NUP210L: variants seen among roughly 807,000 people sequenced by gnomAD.
The protein encoded by NUP210L is nuclear pore membrane glycoprotein 210-like.
A neutral mutation model predicts 208.5 loss-of-function variants in NUP210L; 74 were observed. That is an observed-to-expected ratio of 0.35 (90% CI 0.29 to 0.43). NUP210L has a LOEUF of 0.43. NUP210L is among the 20% of genes least tolerant of loss of function. NUP210L has a pLI of 1.00. For missense variants in NUP210L, 1,843 were observed against 2,289.4 expected (o/e 0.81, Z 3.98); for synonymous variants, 780 against 816.9 (o/e 0.95, Z 0.77).
chr1:154,083,432 T>C (rs148846283), intron 16 of NUP210L, among the ~76,000 whole-genome samples: 1 of 152,258 alleles, frequency 6.6e-6, no homozygotes, highest in South Asian at 2.1e-4. Context: ...AGCAAATTAA[T>C]TGAACCCAAA....
chr1:154,071,459 G>A (rs1472877985), intron 16 of NUP210L, among the ~76,000 whole-genome samples: 4 of 145,114 alleles, frequency 2.8e-5, no homozygotes, highest in Admixed American at 7.0e-5. Flanking sequence ...CCTTTCCCCC[G>A]AGTCCCCAAA....
intron 35 of NUP210L, among the ~76,000 whole-genome samples, chr1:154,003,020 T>C (rs956072411): frequency 5.9e-5 from 9 of 151,416 alleles, no homozygotes; most frequent in African/African-American, 2.2e-4. Context: ...TTTTTTTTTT[T>C]TTTTTAAAGA....
At chr1:154,125,668 A>AGGAG (rs1557994746) in intron 10 of NUP210L, among the ~76,000 whole-genome samples, 3 of 2,548 alleles carry the variant, frequency 1.2e-3, no homozygotes, top group African/African-American at 2.5e-3. Flanking sequence ...GAAGGAAGGA[A>AGGAG]GGAAGGAAGG....
exon 30 of NUP210L, chr1:154,025,664 A>T: frequency 6.2e-7 from 1 of 1,613,980 alleles, no homozygotes; most frequent in African/African-American, 1.3e-5. Context: ...TCAATGACGG[A>T]TGAATTAGGG....
At chr1:154,027,080 C>CAAAAAAAAAAAAAAACAA (rs1651924924) in intron 29 of NUP210L, among the ~76,000 whole-genome samples, 1 of 101,754 alleles carries the variant, frequency 9.8e-6, no homozygotes, top group Non-Finnish European at 1.9e-5. Flanking sequence ...GAGACTGTCT[C>CAAAAAAAAAAAAAAACAA]AAAAAAAAAA....
intron 16 of NUP210L, among the ~76,000 whole-genome samples, chr1:154,081,493 T>C (rs546001368): frequency 3.3e-5 from 5 of 152,266 alleles, no homozygotes; most frequent in Non-Finnish European, 7.4e-5. Context: ...TTTATGCTAA[T>C]GAGATGACTC....
intron 17 of NUP210L, among the ~76,000 whole-genome samples, chr1:154,067,429 T>C (rs1279976073): frequency 2.0e-5 from 3 of 152,198 alleles, no homozygotes; most frequent in Non-Finnish European, 1.5e-5. Flanking sequence ...AACTAGGTAT[T>C]GATGGGACGT....
At chr1:154,027,537 T>G in exon 29 of NUP210L, 1 of 1,613,622 alleles carries the variant, frequency 6.2e-7, no homozygotes. Flanking sequence ...TGAGAATTTA[T>G]AGGCATCAGA....
At chr1:154,123,214 C>T (rs1400312674) in intron 10 of NUP210L, among the ~76,000 whole-genome samples, 3 of 152,140 alleles carry the variant, frequency 2.0e-5, no homozygotes, top group African/African-American at 7.2e-5. Context: ...GGCGCAACCT[C>T]GGCTCACTGC....
chr1:154,003,520 G>A (rs532187887), intron 35 of NUP210L, among the ~76,000 whole-genome samples: 16 of 151,548 alleles, frequency 1.1e-4, no homozygotes, highest in Admixed American at 3.3e-4. Flanking sequence ...TATTATTTTT[G>A]TAGAGACAGA....
intron 38 of NUP210L, among the ~76,000 whole-genome samples, chr1:153,994,645 C>A (rs915816076): frequency 2.0e-5 from 3 of 151,940 alleles, no homozygotes; most frequent in Non-Finnish European, 4.4e-5. Flanking sequence ...GTTACTAGGA[C>A]TAGCAAGGCT....
chr1:154,076,758 G>A (rs898417831), intron 16 of NUP210L, among the ~76,000 whole-genome samples: 2 of 152,022 alleles, frequency 1.3e-5, no homozygotes, highest in South Asian at 2.1e-4. Context: ...ATGCAAAAAC[G>A]GAGTGCTAGA....
chr1:154,085,367 A>T (rs919525847), intron 16 of NUP210L, among the ~76,000 whole-genome samples: 1 of 151,626 alleles, frequency 6.6e-6, no homozygotes, highest in African/African-American at 2.4e-5. Flanking sequence ...ATAAATAAAT[A>T]AAATAAAATA....
chr1:154,147,356 CT>C (rs531968849), intron 2 of NUP210L, among the ~76,000 whole-genome samples: 59 of 146,540 alleles, frequency 4.0e-4, no homozygotes, highest in Non-Finnish European at 4.5e-4. Flanking sequence ...CTGACCAGTA[CT>C]TTTTTTTTTT....
intron 12 of NUP210L, among the ~76,000 whole-genome samples, chr1:154,108,468 T>C: frequency 6.6e-6 from 1 of 151,968 alleles, no homozygotes; most frequent in Non-Finnish European, 1.5e-5. Flanking sequence ...GCAACCAGCC[T>C]AGAGTTTTGA....
intron 16 of NUP210L, among the ~76,000 whole-genome samples, chr1:154,071,443 C>G (rs867554832): frequency 8.0e-5 from 12 of 150,760 alleles, no homozygotes; most frequent in Non-Finnish European, 1.3e-4. Context: ...CTCTTACCCC[C>G]CTCCACCTTT....
At chr1:154,035,890 C>T (rs777475652) in intron 27 of NUP210L, among the ~76,000 whole-genome samples, 17 of 151,864 alleles carry the variant, frequency 1.1e-4, no homozygotes, top group African/African-American at 3.1e-4. Flanking sequence ...CCTGCCACCG[C>T]GCCTGGCTAA....
chr1:154,120,181 A>C (rs1657542414), intron 10 of NUP210L, among the ~76,000 whole-genome samples: 1 of 152,182 alleles, frequency 6.6e-6, no homozygotes, highest in Non-Finnish European at 1.5e-5. Context: ...TGTTGGCTGC[A>C]TAAATGTCTT....
chr1:154,107,272 G>A (rs559146263), intron 12 of NUP210L, among the ~76,000 whole-genome samples: 15 of 150,438 alleles, frequency 1.0e-4, no homozygotes, highest in South Asian at 4.2e-4. Flanking sequence ...TCAGGAGATC[G>A]AGACCATCCT....
Sources: allele counts gnomAD v4.1 joint callset (sites outside exome capture counted in the v4.1 genomes callset), GRCh38; gene constraint gnomAD v4.1.1; transcripts MANE v1.5; gene names NCBI Gene and HGNC (gene_info 2026-07-23, HGNC 2026-07-21).